The following TNRC6C variants were observed in gnomAD, a reference collection of about 807,000 sequenced individuals.
TNRC6C encodes the protein trinucleotide repeat containing adaptor 6C.
In TNRC6C, 20 loss-of-function variants were observed where a neutral mutation model predicts 153.7. The observed-to-expected ratio is 0.13, with a 90% confidence interval of 0.09 to 0.19. The LOEUF (loss-of-function observed/expected upper bound fraction) is 0.19. Ranked by LOEUF, TNRC6C falls within the 10% of genes least tolerant of loss-of-function variation. TNRC6C has a pLI of 1.00. For missense variants in TNRC6C, 1,987 were observed against 2,172.0 expected, an observed-to-expected ratio of 0.91 and a Z score of 1.69; for synonymous variants, 811 against 841.4, an observed-to-expected ratio of 0.96 and a Z score of 0.63.
Position 78,049,226 on chromosome 17 carries a change from C to T in TNRC6C, c.164C>T (p.Ala55Val). ...AGTGCGGCCAGAGTGTGGGGTGTAGCCACAGGCTCCAGCTCTGGCCTGGCT... is the reference window on the plus strand; with the variant it reads ...AGTGCGGCCAGAGTGTGGGGTGTAGTCACAGGCTCCAGCTCTGGCCTGGCT... Residue 55 changes from alanine (A) to valine (V), a missense_variant, in exon 3 of 20, where the codon GCC becomes GTC. Ala to Val is a moderately conservative substitution (Grantham distance 64). Coordinates refer to ENST00000301624, the Ensembl canonical transcript of TNRC6C. This position sits in a 1 kb window ranked among gnomAD's most constrained non-coding sequence, Gnocchi z 4.1. 1 of 1,611,690 alleles carries T rather than the reference C, an allele frequency of 6.2e-7. No individual in the cohort carries two copies. The highest frequency in any genetic ancestry group is 1.7e-5 in the Admixed American group (1 of 59,858).
At chr17:78,093,325 C>T in intron 15 of TNRC6C, 1 of 702,858 alleles carries the variant, frequency 1.4e-6, no homozygotes, top group East Asian at 2.7e-5. Flanking sequence ...TTCTGTAAAC[C>T]CTTAGTTCAG....
At chr17:78,081,153 G>C (rs750596997) in intron 10 of TNRC6C, among the ~76,000 whole-genome samples, 2 of 152,080 alleles carry the variant, frequency 1.3e-5, no homozygotes, top group African/African-American at 2.4e-5. Context: ...GGGCAAACAG[G>C]CTTCCTCAGG....
chr17:78,071,017 C>A, intron 5 of TNRC6C, 68 bp from the exon 8 acceptor site: 1 of 1,426,194 alleles, frequency 7.0e-7, no homozygotes. Context: ...TAGGCTGTCT[C>A]CCATTTCTGG....
intron 14 of TNRC6C, 112 bp from the exon 17 acceptor site, chr17:78,092,821 G>C: frequency 1.3e-6 from 1 of 781,068 alleles, no homozygotes. Context: ...AACTGAATAG[G>C]GCAAGGCATT....
exon 7 of TNRC6C, chr17:78,073,058 T>C: frequency 6.4e-7 from 1 of 1,556,940 alleles, no homozygotes; most frequent in Non-Finnish European, 8.7e-7. Flanking sequence ...TGAGGAGGCC[T>C]TGAAGAGTAA....
chr17:78,074,122 G>A (rs761580763), intron 7 of TNRC6C, among the ~76,000 whole-genome samples: 5 of 152,132 alleles, frequency 3.3e-5, no homozygotes, highest in Admixed American at 6.5e-5. Context: ...CTGCCTTCTT[G>A]AGCTTAGAAA....
intron 1 of TNRC6C, among the ~76,000 whole-genome samples, chr17:77,985,689 TTTAAAGGG>T (rs770333671): frequency 1.2e-4 from 18 of 152,124 alleles, no homozygotes; most frequent in Non-Finnish European, 2.1e-4. Flanking sequence ...TAAACCCAAA[TTTAAAGGG>T]TTAATCGGGC....
chr17:78,098,289 G>C (rs1025357146), intron 16 of TNRC6C, 54 bp from the exon 20 acceptor site: 17 of 1,496,410 alleles, frequency 1.1e-5, no homozygotes, highest in Non-Finnish European at 1.4e-5. Flanking sequence ...ACACAGCAGT[G>C]AGTTTTCTTC....
intron 1 of TNRC6C, among the ~76,000 whole-genome samples, chr17:77,976,942 A>AC (rs2071007663): frequency 6.7e-6 from 1 of 148,940 alleles, no homozygotes; most frequent in African/African-American, 2.5e-5. Flanking sequence ...AAAAAAAAAA[A>AC]AAAAAAAAAA....
chr17:78,074,562 C>G (rs2073052613), intron 7 of TNRC6C, among the ~76,000 whole-genome samples: 1 of 152,196 alleles, frequency 6.6e-6, no homozygotes, highest in Non-Finnish European at 1.5e-5. Flanking sequence ...CAAACACACA[C>G]TAGTCATTAA....
intron 11 of TNRC6C, among the ~76,000 whole-genome samples, chr17:78,085,045 A>G (rs1385521630): frequency 2.0e-5 from 3 of 152,192 alleles, no homozygotes; most frequent in Non-Finnish European, 4.4e-5. Context: ...GCCGGAGACC[A>G]CTGACCTCCA....
chr17:77,968,926 A>T lies in TNRC6C; in HGVS notation c.-38+9658A>T, dbSNP rs77930262. ...GAAACTGCACTTGAGAGTTGGGAGT[A>T]GAGAGAGACCTGGTTTGAGGCAACA... On this transcript the variant is annotated intron_variant, in intron 1 of 22. Transcript: ENST00000636222. 9.1e-4 allele frequency among the ~76,000 whole-genome samples: 138 copies of T among 152,188 alleles called. 1 individual carries two copies. Among genetic ancestry groups the T allele is most frequent in the African/African-American group, 3.3e-3 (135 of 41,468 alleles).
At chr17:77,997,855 C>G (rs951940418) in intron 1 of TNRC6C, among the ~76,000 whole-genome samples, 1 of 151,908 alleles carries the variant, frequency 6.6e-6, no homozygotes, top group South Asian at 2.1e-4. Context: ...GGGGTTTCAC[C>G]GTGTTAGCCA....
intron 3 of TNRC6C, among the ~76,000 whole-genome samples, chr17:78,060,493 A>G (rs1481433506): frequency 1.5e-5 from 2 of 133,600 alleles, no homozygotes; most frequent in East Asian, 4.2e-4. Context: ...TTTTTTTGAG[A>G]CAGAGTCTTA....
At chr17:78,070,252 C>CA (rs1467313108) in intron 5 of TNRC6C, among the ~76,000 whole-genome samples, 1 of 152,180 alleles carries the variant, frequency 6.6e-6, no homozygotes, top group Non-Finnish European at 1.5e-5. Flanking sequence ...CTGGCTCTGG[C>CA]AGCATAGTAA....
At chr17:77,981,247 T>C (rs1400138727) in intron 1 of TNRC6C, among the ~76,000 whole-genome samples, 1 of 152,058 alleles carries the variant, frequency 6.6e-6, no homozygotes, top group African/African-American at 2.4e-5. Context: ...TAGCCCCTTT[T>C]GGGTTTTTAT....
Position 78,024,035 on chromosome 17 carries a change from A to G in TNRC6C, c.-545-7481A>G, listed in dbSNP as rs1053104247. Among the ~76,000 whole-genome samples the G allele has an allele frequency of 1.1e-3, 164 of 152,276 alleles. 1 individual carries two copies. Among genetic ancestry groups the G allele is most frequent in the East Asian group, 7.7e-4 (4 of 5,180 alleles). The stretch of plus-strand genomic sequence containing the variant: ...TGAGGCAGGAGAATCACTTGAACCC[A>G]GGAGGCAGAGATTGTGCCATTGCAC... On this transcript the variant is annotated intron_variant, in intron 1 of 19. Coordinates refer to ENST00000301624, the Ensembl canonical transcript of TNRC6C.
At chr17:78,057,272 A>G (rs2072678131) in intron 3 of TNRC6C, among the ~76,000 whole-genome samples, 1 of 152,210 alleles carries the variant, frequency 6.6e-6, no homozygotes, top group South Asian at 2.1e-4. Flanking sequence ...ATTACCTGTG[A>G]TGTTTAACTC....
At chr17:78,078,581 T>C (rs1463358661) in intron 9 of TNRC6C, among the ~76,000 whole-genome samples, 2 of 152,236 alleles carry the variant, frequency 1.3e-5, no homozygotes, top group African/African-American at 4.8e-5. Flanking sequence ...CAAATAACCA[T>C]ATTCATGTTG....
Sources: gnomAD v4.1 joint callset for allele counts (sites outside exome capture counted in the v4.1 genomes callset) on GRCh38, gnomAD v4.1.1 for gene constraint, Gnocchi (gnomAD v3.1) non-coding constraint, MANE v1.5 for transcripts, NCBI Gene and HGNC (gene_info 2026-07-23, HGNC 2026-07-21) for gene names.